Variants in DACT1 observed in about 807,000 individuals in gnomAD.
The protein encoded by DACT1 is dishevelled binding antagonist of beta catenin 1.
A neutral mutation model predicts 35.3 loss-of-function variants in DACT1; 19 were observed. The ratio of observed to expected loss-of-function variants is 0.54; its 90% CI spans 0.38 to 0.79. The LOEUF (loss-of-function observed/expected upper bound fraction) is 0.79. Ranked by LOEUF, DACT1 falls within the 30% of genes least tolerant of loss-of-function variation. DACT1 has a pLI of 0.00. For synonymous variants in DACT1, 545 were observed against 466.7 expected, an observed-to-expected ratio of 1.17 and a Z score of -2.16; for missense variants, 1,143 against 1,057.5, an observed-to-expected ratio of 1.08 and a Z score of -1.12.
chr14:58,640,265 A>G (rs2047614609), intron 1 of DACT1, among the ~76,000 whole-genome samples: 1 of 152,224 alleles, frequency 6.6e-6, no homozygotes, highest in Admixed American at 6.5e-5. Context: ...AAACCCCACA[A>G]AGCAACTAAT....
At chr14:58,639,024 T>G (rs959407163) in intron 1 of DACT1, 5 of 985,374 alleles carry the variant, frequency 5.1e-6, no homozygotes, top group Non-Finnish European at 6.0e-6. Flanking sequence ...AGGGCCGAGT[T>G]TTACGATTAC....
intron 1 of DACT1, among the ~76,000 whole-genome samples, chr14:58,639,471 T>A (rs1286422161): frequency 6.6e-6 from 1 of 152,228 alleles, no homozygotes; most frequent in Non-Finnish European, 1.5e-5. Flanking sequence ...AGTGATACTA[T>A]CTAAACTAGA....
chr14:58,638,529 GCTGCTAAGA>G lies in DACT1; in HGVS notation c.328_336del (p.Leu110_Arg112del). On this transcript the variant is annotated inframe_deletion, in exon 1 of 4. Coordinates refer to ENST00000395153, the MANE Select transcript of DACT1 (RefSeq NM_001079520.2). ...AGAAGTTCTTGGAGGAGAACATCTT[GCTGCTAAGA>G]AAGCAATTGGTAGGTCGTGCCCGAA... The G allele has an allele frequency of 7.4e-7, 1 of 1,344,570 alleles. No individual in the cohort carries two copies. Among genetic ancestry groups the G allele is most frequent in the Non-Finnish European group, 9.6e-7 (1 of 1,040,862 alleles). 83.3% of individuals were successfully genotyped at this position (1,344,570 alleles called of 1,614,324 possible). A position where few individuals can be genotyped will look rare whatever the true frequency, so the allele number is the denominator to read the frequency against.
At chr14:58,640,964 TTTG>T in intron 2 of DACT1, 96 bp downstream of exon 2, 1 of 1,402,720 alleles carries the variant, frequency 7.1e-7, no homozygotes, top group Non-Finnish European at 9.9e-7. Context: ...GGCAATGGAG[TTTG>T]TTTCCAGTGC....
intron 2 of DACT1, among the ~76,000 whole-genome samples, chr14:58,641,123 A>G (rs539571110): frequency 2.0e-4 from 30 of 152,362 alleles, no homozygotes; most frequent in Non-Finnish European, 3.7e-4. Context: ...AATTTCTGCA[A>G]GAGGTGCCCT....
At chr14:58,637,543 A>G (rs1376277818), upstream of DACT1, among the ~76,000 whole-genome samples, 1 of 152,124 alleles carries the variant, frequency 6.6e-6, no homozygotes, top group Non-Finnish European at 1.5e-5. Context: ...GAAAGGGTTA[A>G]GACTGTGCTG....
At position 58,647,217 on chromosome 14, in the gene DACT1, T is replaced by G. The variant is rs2047701396; in HGVS notation, c.*83T>G. 1.4e-6 allele frequency: 2 copies of G among 1,478,764 alleles called. No homozygotes were observed. Among genetic ancestry groups the G allele is most frequent in the African/African-American group, 1.4e-5 (1 of 70,162 alleles). 91.6% of individuals were successfully genotyped at this position (1,478,764 alleles called of 1,614,324 possible). A position where few individuals can be genotyped will look rare whatever the true frequency, so the allele number is the denominator to read the frequency against. On this transcript the variant is annotated 3_prime_UTR_variant, in exon 4 of 4. Coordinates refer to ENST00000395153, the MANE Select transcript of DACT1 (RefSeq NM_001079520.2). ...AATTAAAAAGGTGGTGTTTTCATTT[T>G]TGTATAATACTTTAATGGAATGCTT...
In DACT1 at chr14:58,645,494, C is replaced by A. The variant is rs375963448; in HGVS notation, c.760C>A (p.Pro254Thr). 2 of 1,614,184 alleles carry A rather than the reference C, an allele frequency of 1.2e-6. No homozygotes were observed. The highest frequency in any genetic ancestry group is 8.5e-7 in the Non-Finnish European group (1 of 1,180,034). The change falls in exon 4 of 4, where the codon CCT (proline) becomes ACT (threonine). Residue 254 changes from proline to threonine, a missense_variant. Pro to Thr is a conservative substitution (Grantham distance 38). Coordinates refer to ENST00000395153, the MANE Select transcript of DACT1 (RefSeq NM_001079520.2). ...GTTTCTCCTTTGTCTGACGGGCAAC[C>A]CTCTGAGGGAAGAGGACAGGCTTGG... is the stretch of plus-strand genomic sequence containing the variant. Reference protein sequence around the residue: ...PMFLLCLTGNPLREEDRLGNH... With the variant: ...PMFLLCLTGNTLREEDRLGNH...
chr14:58,646,516 G>A lies in DACT1; in HGVS notation c.1782G>A (p.Gly594=). The A allele has an allele frequency of 6.4e-7, 1 of 1,559,792 alleles. No individual in the cohort carries two copies. Among genetic ancestry groups the A allele is most frequent in the Non-Finnish European group, 8.6e-7 (1 of 1,156,606 alleles). Residue 594 remains glycine, a synonymous_variant, in exon 4 of 4, where the codon GGG becomes GGA. Transcript: ENST00000395153. The part of the protein sequence containing the change: ...NKKLKKASSK[G]RKSGGGPEAG... Reference sequence around the variant, plus strand: ...AACTCAAGAAAGCCTCCTCCAAGGGGAGGAAGAGTGGGGGCGGGCCCGAGG... The same window carrying A: ...AACTCAAGAAAGCCTCCTCCAAGGGAAGGAAGAGTGGGGGCGGGCCCGAGG...
intron 3 of DACT1, among the ~76,000 whole-genome samples, chr14:58,643,889 G>C (rs942900422): frequency 6.6e-6 from 1 of 152,008 alleles, no homozygotes; most frequent in Non-Finnish European, 1.5e-5. Flanking sequence ...TATTGGGGGG[G>C]GTCATGTGGG....
rs778605036 is a variant in DACT1, at chr14:58,646,792, C to T, written c.2058C>T (p.Asp686=). The T allele has an allele frequency of 1.2e-5, 19 of 1,614,080 alleles. No homozygotes were observed. The highest frequency in any genetic ancestry group is 1.6e-4 in the Middle Eastern group (1 of 6,082). ...YASPYAYVAS[D]SEYSAECESL... ...GCCCCTACGCCTACGTGGCTAGCGA[C>T]TCCGAGTACTCGGCCGAGTGCGAGT... is the stretch of plus-strand genomic sequence containing the variant. The change falls in exon 4 of 4, where the codon GAC becomes GAT. Residue 686 remains aspartate, a synonymous_variant. Coordinates refer to ENST00000395153, the MANE Select transcript of DACT1 (RefSeq NM_001079520.2).
chr14:58,647,493 A>T lies in DACT1; in HGVS notation c.*359A>T. The T allele has an allele frequency of 3.5e-6, 1 of 283,100 alleles. No homozygotes were observed. 17.5% of individuals were successfully genotyped at this position (283,100 alleles called of 1,614,324 possible). On this transcript the variant is annotated 3_prime_UTR_variant, in exon 4 of 4. Coordinates refer to ENST00000395153, the MANE Select transcript of DACT1 (RefSeq NM_001079520.2). ...TTGATCCCAAGGTCAGGTGGATGGAATTTTTGGATTTATATTTGTTCCTTG... is the reference window on the plus strand; with the variant it reads ...TTGATCCCAAGGTCAGGTGGATGGATTTTTTGGATTTATATTTGTTCCTTG...
Position 58,646,047 on chromosome 14 carries a change from C to T in DACT1, c.1313C>T (p.Pro438Leu). Residue 438 changes from proline (P) to leucine (L), a missense_variant, in exon 4 of 4, where the codon CCT (proline) becomes CTT (leucine). Physicochemically the swap from Pro to Leu is moderately conservative, Grantham distance 98 (BLOSUM62 -3). Around this residue, in one of 3 missense-constraint regions of DACT1, gnomAD observed 1,054 missense variants for 958.8 expected, o/e 1.10. Transcript: ENST00000395153. ...RCSAIGTGES[P>L]KESAQLSGAS... Reference sequence around the variant, plus strand: ...TCCGCCATTGGGACAGGGGAGTCCCCTAAGGAAAGCGCTCAGCTCTCAGGG... The same window carrying T: ...TCCGCCATTGGGACAGGGGAGTCCCTTAAGGAAAGCGCTCAGCTCTCAGGG... 6.2e-7 allele frequency: 1 copy of T among 1,614,026 alleles called. No homozygotes were observed. The highest frequency in any genetic ancestry group is 1.1e-5 in the South Asian group (1 of 91,076).
Position 58,638,168 on chromosome 14 carries a change from C to A in DACT1, c.-35C>A. 1 of 1,274,672 alleles carries A rather than the reference C, an allele frequency of 7.8e-7. No homozygotes were observed. The highest frequency in any genetic ancestry group is 9.9e-7 in the Non-Finnish European group (1 of 1,011,064). The allele number at this position is 1,274,672 out of a possible 1,614,324, so 79.0% of individuals were successfully genotyped here. On this transcript the variant is annotated 5_prime_UTR_variant, in exon 1 of 4. It adds an upstream start codon to the 5' untranslated region. Transcript: ENST00000395153. ...CTGCTCCTCCGCCTGGGCGGCCCGGCTGCGGTGACGGCTCTCGCTGCCCGA... is the reference window on the plus strand; with the variant it reads ...CTGCTCCTCCGCCTGGGCGGCCCGGATGCGGTGACGGCTCTCGCTGCCCGA...
intron 1 of DACT1, chr14:58,639,183 G>C: frequency 1.0e-6 from 1 of 985,434 alleles, no homozygotes; most frequent in Non-Finnish European, 1.2e-6. Flanking sequence ...GCTGGAGACT[G>C]TGTCCCCTCC....
chr14:58,646,709 C>A lies in DACT1; in HGVS notation c.1975C>A (p.Arg659Ser). The A allele has an allele frequency of 6.2e-7, 1 of 1,613,184 alleles. No homozygotes were observed. The highest frequency in any genetic ancestry group is 8.5e-7 in the Non-Finnish European group (1 of 1,179,920). Residue 659 changes from arginine to serine, a missense_variant, in exon 4 of 4, where the codon CGC becomes AGC. Physicochemically the swap from Arg to Ser is moderately radical, Grantham distance 110. Transcript: ENST00000395153. ...SYEEALRRAR[R>S]GRRENVGLYP... ...CGAAGAGGCCCTGAGGAGGGCCCGG[C>A]GCGGTCGCCGGGAGAATGTGGGGCT...
At chr14:58,638,871 T>C (rs906651871) in intron 1 of DACT1, 49 of 1,062,914 alleles carry the variant, frequency 4.6e-5, no homozygotes, top group Admixed American at 5.4e-5. Context: ...TCTCCTTAGT[T>C]AGATGAGTAT....
rs540956473 is a variant in DACT1 at position 58,644,855 on chromosome 14, C to A, written c.635-514C>A. Among the ~76,000 whole-genome samples, 7 of 152,346 alleles carry A rather than the reference C, an allele frequency of 4.6e-5. No individual in the cohort carries two copies. In the South Asian group the frequency reaches 1.5e-3, roughly 32 times the overall value. On this transcript the variant is annotated intron_variant, in intron 3 of 3. Transcript: ENST00000395153. The stretch of plus-strand genomic sequence containing the variant: ...AGAAGAAAGTAAATATCACTTACTT[C>A]TGATCATTCTGAAATACTACTACTA...
chr14:58,637,253 A>C (rs775706011), upstream of DACT1, among the ~76,000 whole-genome samples: 1 of 152,218 alleles, frequency 6.6e-6, no homozygotes, highest in Non-Finnish European at 1.5e-5. Context: ...GCGCACTCAA[A>C]TCGTAGGCTT....
Sources: gnomAD v4.1 joint callset for allele counts (sites outside exome capture counted in the v4.1 genomes callset) on GRCh38, gnomAD v4.1.1 for gene constraint, gnomAD v4.1.1 regional missense constraint, MANE v1.5 for transcripts, NCBI Gene and HGNC (gene_info 2026-07-23, HGNC 2026-07-21) for gene names.